The following HEATR5A variants were observed in gnomAD, a reference collection of about 807,000 sequenced individuals.
HEATR5A encodes HEAT repeat-containing protein 5A.
In HEATR5A, 178 loss-of-function variants were observed where a neutral mutation model predicts 218.8. That is an observed-to-expected ratio of 0.81 (90% CI 0.72 to 0.92). The LOEUF (loss-of-function observed/expected upper bound fraction) is 0.92, where lower values mean the gene tolerates loss of function less well. Ranked by LOEUF, HEATR5A falls within the 40% of genes least tolerant of loss-of-function variation. The probability of loss-of-function intolerance (pLI) is 0.00; values close to 1 mark genes in which losing one functional copy is unlikely to be tolerated. For missense variants in HEATR5A, 2,420 were observed against 2,418.9 expected, an observed-to-expected ratio of 1.00 and a Z score of -0.01; for synonymous variants, 864 against 871.6, an observed-to-expected ratio of 0.99 and a Z score of 0.15.
chr14:31,415,706 C>T (rs371414199), intron 1 of HEATR5A, among the ~76,000 whole-genome samples: 151 of 152,116 alleles, frequency 9.9e-4, no homozygotes, highest in Middle Eastern at 3.4e-3. Context: ...ATTTTATTTA[C>T]ATAAAAAAGG....
At position 31,292,474 on chromosome 14, in the gene HEATR5A, C is replaced by T. The variant is rs953007384; in HGVS notation, c.*831G>A. The T allele has an allele frequency of 6.6e-6, 1 of 152,256 alleles. No individual in the cohort carries two copies. Among genetic ancestry groups the T allele is most frequent in the Admixed American group, 6.5e-5 (1 of 15,274 alleles). The allele number at this position is 152,256 out of a possible 1,614,324, so 9.4% of individuals were successfully genotyped here. ...ACTGTAAGGCTGTAAGTAATTTGTA[C>T]TATTGTATACTGGATAATCCTAGAC... On this transcript the variant is annotated 3_prime_UTR_variant, in exon 36 of 36. Coordinates refer to ENST00000543095, the MANE Select transcript of HEATR5A (RefSeq NM_015473.4).
At chr14:31,383,371 T>A in intron 10 of HEATR5A, 150 bp downstream of exon 10, 1 of 708,546 alleles carries the variant, frequency 1.4e-6, no homozygotes, top group Non-Finnish European at 2.3e-6. Flanking sequence ...GCAGCTCTAT[T>A]TATCCTCTAA....
chr14:31,318,808 A>G (rs894635694), intron 25 of HEATR5A, among the ~76,000 whole-genome samples: 5 of 151,956 alleles, frequency 3.3e-5, no homozygotes, highest in Admixed American at 2.0e-4. Flanking sequence ...CTTAATCCAT[A>G]TTGTTGTTTT....
intron 28 of HEATR5A, 135 bp downstream of exon 28, chr14:31,312,833 G>A (rs1223613528): frequency 1.3e-5 from 9 of 677,838 alleles, no homozygotes; most frequent in Admixed American, 2.6e-5. Flanking sequence ...AGGAGGCAGA[G>A]GTTGCAGTGA....
intron 5 of HEATR5A, among the ~76,000 whole-genome samples, chr14:31,394,906 C>G (rs1038716924): frequency 1.3e-5 from 2 of 152,120 alleles, no homozygotes; most frequent in African/African-American, 4.8e-5. Context: ...TTTGAAACAA[C>G]ATAAACCTCA....
intron 22 of HEATR5A, among the ~76,000 whole-genome samples, chr14:31,330,470 T>C (rs1900425932): frequency 6.6e-6 from 1 of 151,982 alleles, no homozygotes; most frequent in Non-Finnish European, 1.5e-5. Context: ...CCTGGAGACA[T>C]TTTCTTCATT....
At chr14:31,365,837 G>C (rs1019536006) in intron 13 of HEATR5A, among the ~76,000 whole-genome samples, 3 of 151,506 alleles carry the variant, frequency 2.0e-5, no homozygotes, top group Admixed American at 2.0e-4. Context: ...GCTAATTTTT[G>C]TATTTTTTGT....
At chr14:31,354,664 A>G (rs1240792137) in intron 16 of HEATR5A, among the ~76,000 whole-genome samples, 1 of 152,200 alleles carries the variant, frequency 6.6e-6, no homozygotes, top group Non-Finnish European at 1.5e-5. Context: ...AGATGGAATA[A>G]AAGTGCAGTT....
chr14:31,309,180 C>T lies in HEATR5A; in HGVS notation c.4444G>A (p.Gly1482Ser), dbSNP rs1431104732. 1.9e-6 allele frequency: 3 copies of T among 1,607,378 alleles called. No individual in the cohort carries two copies. The highest frequency in any genetic ancestry group is 8.5e-7 in the Non-Finnish European group (1 of 1,176,374). Residue 1482 changes from glycine to serine, a missense_variant and splice_region_variant, in exon 29 of 36, where the codon GGT becomes AGT. Transcript: ENST00000543095. Reference sequence around the variant, plus strand: ...CTAGTCTCTGCTGTGTAGAAAGCACCACCTAAAGCAAACAGTTTCAGGAAA... The same window carrying T: ...CTAGTCTCTGCTGTGTAGAAAGCACTACCTAAAGCAAACAGTTTCAGGAAA... Reference protein sequence around the residue: ...EFASQLPAEGGAFYTAETSEN... With the variant: ...EFASQLPAEGSAFYTAETSEN...
At chr14:31,411,304 C>A (rs2031262873) in intron 1 of HEATR5A, among the ~76,000 whole-genome samples, 1 of 133,764 alleles carries the variant, frequency 7.5e-6, no homozygotes, top group Non-Finnish European at 1.6e-5. Context: ...TTCAAAAGAA[C>A]TTACAAGTCC....
chr14:31,414,958 A>G (rs1259993800), intron 1 of HEATR5A, among the ~76,000 whole-genome samples: 3 of 152,096 alleles, frequency 2.0e-5, no homozygotes, highest in Admixed American at 6.5e-5. Flanking sequence ...TTCCTGCCTC[A>G]GTCTCCTGAG....
intron 27 of HEATR5A, among the ~76,000 whole-genome samples, chr14:31,314,129 G>C (rs1161584918): frequency 6.6e-6 from 1 of 151,360 alleles, no homozygotes; most frequent in African/African-American, 2.4e-5. Flanking sequence ...TGTATTTTTA[G>C]TAGAGATGGG....
At chr14:31,312,353 A>C (rs991120358) in intron 28 of HEATR5A, among the ~76,000 whole-genome samples, 2 of 152,172 alleles carry the variant, frequency 1.3e-5, no homozygotes, top group African/African-American at 2.4e-5. Flanking sequence ...AGATTGGCAA[A>C]AATTATTAAG....
At chr14:31,347,615 C>T in intron 19 of HEATR5A, 133 bp downstream of exon 19, 1 of 647,902 alleles carries the variant, frequency 1.5e-6, no homozygotes, top group Non-Finnish European at 2.3e-6. Context: ...AAAAATCCAC[C>T]AAGGTTAACA....
intron 11 of HEATR5A, among the ~76,000 whole-genome samples, chr14:31,379,242 C>A (rs1055420162): frequency 1.4e-5 from 2 of 146,414 alleles, no homozygotes; most frequent in East Asian, 2.1e-4. Context: ...CCACTGCGCC[C>A]GAACTATTCA....
intron 13 of HEATR5A, among the ~76,000 whole-genome samples, chr14:31,367,181 T>C (rs1017910151): frequency 6.6e-6 from 1 of 152,162 alleles, no homozygotes; most frequent in East Asian, 1.9e-4. Context: ...CTATATACAC[T>C]ATATACCCAT....
At chr14:31,364,322 T>A in intron 13 of HEATR5A, 24 bp from the exon 14 acceptor site, 1 of 1,199,732 alleles carries the variant, frequency 8.3e-7, no homozygotes, top group African/African-American at 1.5e-5. Context: ...AAAAAGTGTA[T>A]CTTAAGTGGT....
intron 7 of HEATR5A, 66 bp downstream of exon 7, chr14:31,388,779 C>A: frequency 7.8e-7 from 1 of 1,275,456 alleles, no homozygotes; most frequent in South Asian, 1.2e-5. Context: ...TCTGTGGAGT[C>A]AGATACTAAA....
chr14:31,417,161 GAGA>G (rs2031478510), intron 1 of HEATR5A, among the ~76,000 whole-genome samples: 1 of 152,106 alleles, frequency 6.6e-6, no homozygotes, highest in South Asian at 2.1e-4. Context: ...AGTAAAAAGA[GAGA>G]AGTTTACTAA....
Sources: gnomAD v4.1 joint callset for allele counts (sites outside exome capture counted in the v4.1 genomes callset) on GRCh38, gnomAD v4.1.1 for gene constraint, MANE v1.5 for transcripts, NCBI Gene and HGNC (gene_info 2026-07-23, HGNC 2026-07-21) for gene names.